The following NRXN1 variants were observed in gnomAD, a reference collection of about 807,000 sequenced individuals.
The protein encoded by NRXN1 is neurexin-1.
In NRXN1, 39 loss-of-function variants were observed where a neutral mutation model predicts 150.9. The observed-to-expected ratio is 0.26, with a 90% confidence interval of 0.20 to 0.34. NRXN1 has a LOEUF of 0.34. Ranked by LOEUF, NRXN1 falls within the 10% of genes least tolerant of loss-of-function variation. The pLI, the probability that NRXN1 is intolerant of heterozygous loss-of-function variation, is 1.00. For synonymous variants in NRXN1, 924 were observed against 757.0 expected (o/e 1.22, Z -3.62); for missense variants, 1,815 against 1,949.9 (o/e 0.93, Z 1.30).
intron 17 of NRXN1, among the ~76,000 whole-genome samples, chr2:50,407,712 C>A (rs2082854535): frequency 6.6e-6 from 1 of 152,002 alleles, no homozygotes; most frequent in Non-Finnish European, 1.5e-5. Flanking sequence ...TGATGCCCTG[C>A]ACCACCTCAC....
chr2:50,018,212 C>A (rs916854212), intron 21 of NRXN1, among the ~76,000 whole-genome samples: 6 of 152,148 alleles, frequency 3.9e-5, no homozygotes, highest in African/African-American at 1.4e-4. Context: ...TCCCATAAAG[C>A]ACCTCTAGCA....
chr2:50,510,485 C>CAAAAAAAAAAAAAAAAAAAAAAAAAAAA (rs540578029), intron 12 of NRXN1, among the ~76,000 whole-genome samples: 2 of 39,694 alleles, frequency 5.0e-5, no homozygotes, highest in South Asian at 2.0e-3. Context: ...GACTCCATCT[C>CAAAAAAAAAAAAAAAAAAAAAAAAAAAA]AAAAAAAAAA....
At chr2:50,663,199 C>T (rs1687559565) in intron 5 of NRXN1, among the ~76,000 whole-genome samples, 1 of 152,050 alleles carries the variant, frequency 6.6e-6, no homozygotes, top group Admixed American at 6.6e-5. Flanking sequence ...ACACCATCCA[C>T]ATACTATACA....
chr2:50,563,363 A>G lies in NRXN1; in HGVS notation c.1321-10338T>C, dbSNP rs527865034. Among the ~76,000 whole-genome samples, 4 of 152,356 alleles carry G rather than the reference A, an allele frequency of 2.6e-5. No individual in the cohort carries two copies. In the East Asian group the frequency reaches 7.7e-4, roughly 29 times the overall value. ...AACAATAATTTATTAGTTGGAGGAT[A>G]GATATACAACTATAGAGATAGATTA... On this transcript the variant is annotated intron_variant, in intron 8 of 22. Transcript: ENST00000401669.
Position 50,689,384 on chromosome 2 carries a change from A to G in NRXN1, c.833-65769T>C, listed in dbSNP as rs112968190. Among the ~76,000 whole-genome samples the G allele has an allele frequency of 1.7e-3, 266 of 152,310 alleles. 5 individuals are homozygous for G. Among genetic ancestry groups the G allele is most frequent in the African/African-American group, 6.2e-3 (259 of 41,574 alleles). On this transcript the variant is annotated intron_variant, in intron 5 of 22. Transcript: ENST00000401669. ...TCCATCACCCTCAAAGATTTCAATT[A>G]TCACCACTACAAATCAATATAGGTA...
chr2:50,302,157 G>A (rs183080803), intron 17 of NRXN1, among the ~76,000 whole-genome samples: 2 of 152,046 alleles, frequency 1.3e-5, no homozygotes, highest in Admixed American at 1.3e-4. Context: ...ACTAAGTTTT[G>A]TGGCAATTTT....
At chr2:50,770,425 A>G (rs1262865262) in intron 5 of NRXN1, among the ~76,000 whole-genome samples, 1 of 151,884 alleles carries the variant, frequency 6.6e-6, no homozygotes, top group East Asian at 1.9e-4. Context: ...CTCCATTAAA[A>G]GTTTTCGTTG....
intron 5 of NRXN1, chr2:50,696,141 T>C (rs779367481): frequency 6.6e-6 from 1 of 151,652 alleles, no homozygotes; most frequent in Non-Finnish European, 1.5e-5. Flanking sequence ...CCACACCCAG[T>C]CGACTATGGA....
At chr2:49,961,363 T>C (rs578170775) in intron 21 of NRXN1, among the ~76,000 whole-genome samples, 1 of 151,740 alleles carries the variant, frequency 6.6e-6, no homozygotes, top group African/African-American at 2.4e-5. Flanking sequence ...TCTCTCAATC[T>C]CCCGTCCTCC....
chr2:50,175,229 A>C (rs1172646596), intron 18 of NRXN1: 1 of 152,178 alleles, frequency 6.6e-6, no homozygotes, highest in East Asian at 1.9e-4. Flanking sequence ...AAATAAGACA[A>C]CACGGTCACA....
intron 17 of NRXN1, among the ~76,000 whole-genome samples, chr2:50,364,821 C>A (rs993361722): frequency 6.6e-6 from 1 of 151,988 alleles, no homozygotes; most frequent in Non-Finnish European, 1.5e-5. Flanking sequence ...AGATAGTACC[C>A]TCTTTTGTAC....
intron 5 of NRXN1, among the ~76,000 whole-genome samples, chr2:50,801,340 T>A (rs1453630141): frequency 6.6e-6 from 1 of 152,210 alleles, no homozygotes; most frequent in Non-Finnish European, 1.5e-5. Context: ...AACCATAATT[T>A]ATATCTGATG....
At chr2:50,778,658 G>A (rs530959740) in intron 5 of NRXN1, among the ~76,000 whole-genome samples, 15 of 152,254 alleles carry the variant, frequency 9.9e-5, no homozygotes, top group Admixed American at 2.0e-4. Flanking sequence ...AAATATCAAT[G>A]AAGACAGAAA....
At chr2:50,500,639 T>C (rs2091895599) in intron 13 of NRXN1, among the ~76,000 whole-genome samples, 1 of 152,208 alleles carries the variant, frequency 6.6e-6, no homozygotes, top group Non-Finnish European at 1.5e-5. Flanking sequence ...AAATTTGGAA[T>C]AAGCAAAATG....
intron 5 of NRXN1, among the ~76,000 whole-genome samples, chr2:50,648,794 G>A (rs556774785): frequency 2.6e-5 from 4 of 151,712 alleles, no homozygotes; most frequent in Non-Finnish European, 4.4e-5. Flanking sequence ...TCTACCCACC[G>A]TGCTGAACTG....
At chr2:50,758,375 A>G (rs1386424749) in intron 5 of NRXN1, among the ~76,000 whole-genome samples, 1 of 151,908 alleles carries the variant, frequency 6.6e-6, no homozygotes, top group East Asian at 1.9e-4. Context: ...ACAAAAGATA[A>G]AGGTGTATCT....
Position 49,978,985 on chromosome 2 carries a change from G to A in NRXN1, c.4129-35194C>T, listed in dbSNP as rs572464654. Among the ~76,000 whole-genome samples the A allele has an allele frequency of 3.3e-5, 5 of 152,238 alleles. No individual in the cohort carries two copies. In the South Asian group the frequency reaches 1.0e-3, roughly 32 times the overall value. On this transcript the variant is annotated intron_variant, in intron 21 of 22. Coordinates refer to ENST00000401669, the MANE Select transcript of NRXN1 (RefSeq NM_001330078.2). The stretch of plus-strand genomic sequence containing the variant: ...CAAGGTGCTTTCAAAAATCATCATA[G>A]ATAACAACCAGGGTAAGACTTAGGG...
At chr2:50,268,539 G>C (rs753759516) in intron 17 of NRXN1, among the ~76,000 whole-genome samples, 4 of 152,082 alleles carry the variant, frequency 2.6e-5, no homozygotes, top group African/African-American at 7.2e-5. Context: ...GAATATAATT[G>C]AGCTCACAGA....
At chr2:50,646,526 A>G (rs1684833926) in intron 5 of NRXN1, among the ~76,000 whole-genome samples, 1 of 152,000 alleles carries the variant, frequency 6.6e-6, no homozygotes, top group South Asian at 2.1e-4. Context: ...ACTGAGGAGA[A>G]CCAGCTCTTT....
Sources: allele counts gnomAD v4.1 joint callset (sites outside exome capture counted in the v4.1 genomes callset), GRCh38; gene constraint gnomAD v4.1.1; transcripts MANE v1.5; gene names NCBI Gene and HGNC (gene_info 2026-07-23, HGNC 2026-07-21).